ELF2: variants seen among roughly 807,000 people sequenced by gnomAD.
ELF2 encodes ETS-related transcription factor Elf-2.
In ELF2, 11 loss-of-function variants were observed where a neutral mutation model predicts 54.8. The observed-to-expected ratio is 0.20, with a 90% CI of 0.13 to 0.33. ELF2 has a LOEUF of 0.33. Ranked by LOEUF, ELF2 falls within the 10% of genes least tolerant of loss-of-function variation. The pLI, the probability that ELF2 is intolerant of heterozygous loss-of-function variation, is 1.00. For synonymous variants in ELF2, 203 were observed against 245.1 expected (o/e 0.83, Z 1.61); for missense variants, 513 against 703.0 (o/e 0.73, Z 3.06).
chr4:139,154,034 G>A (rs1451791557), intron 1 of ELF2, among the ~76,000 whole-genome samples: 1 of 152,112 alleles, frequency 6.6e-6, no homozygotes, highest in Admixed American at 6.5e-5. Context: ...ACATGTCACA[G>A]CTGTTCTGTG....
At chr4:139,158,460 T>G (rs1189148442) in intron 1 of ELF2, among the ~76,000 whole-genome samples, 1 of 152,016 alleles carries the variant, frequency 6.6e-6, no homozygotes, top group African/African-American at 2.4e-5. Context: ...GGAGGTGGTA[T>G]GGAGAGATAG....
chr4:139,058,217 C>G lies in ELF2; in HGVS notation c.*766G>C, dbSNP rs1016240251. On this transcript the variant is annotated 3_prime_UTR_variant, in exon 10 of 10. Transcript: ENST00000686138. ...CAATTAAGAAACTGACAGACTTAAA[C>G]TACCATATAAAATGTTACATGTATA... The G allele has an allele frequency of 2.0e-5, 3 of 152,280 alleles. No homozygotes were observed. Among genetic ancestry groups the G allele is most frequent in the African/African-American group, 7.2e-5 (3 of 41,430 alleles). The allele number at this position is 152,280 out of a possible 1,614,324, so 9.4% of individuals were successfully genotyped here. A position where few individuals can be genotyped will look rare whatever the true frequency, so the allele number is the denominator to read the frequency against.
intron 1 of ELF2, among the ~76,000 whole-genome samples, chr4:139,173,635 G>A (rs1308507464): frequency 2.0e-5 from 3 of 151,594 alleles, no homozygotes; most frequent in Non-Finnish European, 2.9e-5. Context: ...GCACGCGCCC[G>A]TAGTCCCAGC....
intron 4 of ELF2, among the ~76,000 whole-genome samples, chr4:139,087,619 C>T (rs1732123333): frequency 6.6e-6 from 1 of 152,128 alleles, no homozygotes; most frequent in Non-Finnish European, 1.5e-5. Context: ...GCGCCCGCCT[C>T]CACGCCCGGC....
intron 3 of ELF2, among the ~76,000 whole-genome samples, chr4:139,127,780 T>C (rs913758653): frequency 2.0e-5 from 3 of 151,782 alleles, no homozygotes; most frequent in Admixed American, 6.6e-5. Flanking sequence ...ACCTGGCCAA[T>C]ACAGTAAAAC....
chr4:139,126,886 A>G (rs1736975440), intron 3 of ELF2, among the ~76,000 whole-genome samples: 1 of 152,214 alleles, frequency 6.6e-6, no homozygotes, highest in Non-Finnish European at 1.5e-5. Flanking sequence ...AGGATAGAAG[A>G]GATCAACATA....
chr4:139,153,417 A>C (rs1157047342), intron 1 of ELF2, among the ~76,000 whole-genome samples: 1 of 152,126 alleles, frequency 6.6e-6, no homozygotes, highest in African/African-American at 2.4e-5. Context: ...CCTGAGTAAC[A>C]GAGGGAGACC....
chr4:139,118,716 G>C (rs1736012267), intron 4 of ELF2, among the ~76,000 whole-genome samples: 1 of 151,608 alleles, frequency 6.6e-6, no homozygotes, highest in Non-Finnish European at 1.5e-5. Flanking sequence ...GCAAAAGGAA[G>C]GAGAAAACAA....
chr4:139,156,853 C>T, intron 1 of ELF2, among the ~76,000 whole-genome samples: 1 of 152,032 alleles, frequency 6.6e-6, no homozygotes, highest in East Asian at 1.9e-4. Flanking sequence ...AGGCTGGTCT[C>T]GAACTCCTGA....
chr4:139,169,580 G>C (rs138743230), intron 1 of ELF2, among the ~76,000 whole-genome samples: 1 of 151,986 alleles, frequency 6.6e-6, no homozygotes, highest in African/African-American at 2.4e-5. Flanking sequence ...TGTCTTGGCC[G>C]GGCGCGGTGG....
chr4:139,061,060 TTAG>T (rs1326295516), intron 8 of ELF2, among the ~76,000 whole-genome samples: 4 of 152,288 alleles, frequency 2.6e-5, no homozygotes, highest in Non-Finnish European at 5.9e-5. Context: ...CCACACTTAC[TTAG>T]TAGAGATATG....
chr4:139,175,487 TAA>T (rs1489593537), intron 1 of ELF2, among the ~76,000 whole-genome samples: 7 of 152,360 alleles, frequency 4.6e-5, no homozygotes, highest in Non-Finnish European at 8.8e-5. Context: ...TAATGCTCTA[TAA>T]AAAGTTTTAT....
chr4:139,113,442 T>A (rs906133982), intron 4 of ELF2, among the ~76,000 whole-genome samples: 29 of 152,104 alleles, frequency 1.9e-4, no homozygotes, highest in African/African-American at 7.0e-4. Flanking sequence ...GTGCCTGTAA[T>A]CCCAACTACT....
At chr4:139,086,037 T>C (rs1731939529) in intron 4 of ELF2, among the ~76,000 whole-genome samples, 1 of 152,196 alleles carries the variant, frequency 6.6e-6, no homozygotes, top group Admixed American at 6.5e-5. Context: ...AAAACAGTCT[T>C]CTATAAAATT....
chr4:139,068,787 G>A (rs1459514087), intron 6 of ELF2, among the ~76,000 whole-genome samples: 1 of 152,214 alleles, frequency 6.6e-6, no homozygotes, highest in African/African-American at 2.4e-5. Flanking sequence ...ACACTGGCAG[G>A]TGAGAGGCAG....
chr4:139,151,998 G>A (rs1003499146), intron 1 of ELF2, among the ~76,000 whole-genome samples: 11 of 152,154 alleles, frequency 7.2e-5, no homozygotes, highest in Non-Finnish European at 1.6e-4. Context: ...ATCAGAAACA[G>A]AAAGGGTGAC....
chr4:139,076,015 C>A (rs1192056554), intron 4 of ELF2, among the ~76,000 whole-genome samples: 1 of 152,130 alleles, frequency 6.6e-6, no homozygotes, highest in Non-Finnish European at 1.5e-5. Flanking sequence ...CGATATGAAT[C>A]TTTTAAAATT....
Position 139,121,141 on chromosome 4 carries a change from C to T in ELF2, c.238+4023G>A, listed in dbSNP as rs536692960. On this transcript the variant is annotated intron_variant, in intron 4 of 9. Coordinates refer to ENST00000686138, the MANE Select transcript of ELF2 (RefSeq NM_001331036.3). Reference sequence around the variant, plus strand: ...TTTTTTTTTTTGAGACGGAGTCTTGCTCTGTCGCCCAGGCTGGAGTGCAGT... The same window carrying T: ...TTTTTTTTTTTGAGACGGAGTCTTGTTCTGTCGCCCAGGCTGGAGTGCAGT... 1.0e-4 allele frequency among the ~76,000 whole-genome samples: 11 copies of T among 106,344 alleles called. No homozygotes were observed. In the East Asian group the frequency reaches 2.1e-3, roughly 20 times the overall value. 69.8% of individuals were successfully genotyped at this position (106,344 alleles called of 152,430 possible). A position where few individuals can be genotyped will look rare whatever the true frequency, so the allele number is the denominator to read the frequency against.
At chr4:139,123,746 T>C (rs1359728267) in intron 4 of ELF2, among the ~76,000 whole-genome samples, 3 of 152,220 alleles carry the variant, frequency 2.0e-5, no homozygotes, top group African/African-American at 4.8e-5. Flanking sequence ...GTTCTACTTT[T>C]TTCCATTCAA....
Sources: allele counts gnomAD v4.1 joint callset (sites outside exome capture counted in the v4.1 genomes callset), GRCh38; gene constraint gnomAD v4.1.1; transcripts MANE v1.5; gene names NCBI Gene and HGNC (gene_info 2026-07-23, HGNC 2026-07-21).